The following FEM1A variants were observed in gnomAD, a reference collection of about 807,000 sequenced individuals.
FEM1A encodes protein fem-1 homolog A.
A neutral mutation model predicts 0.7 loss-of-function variants in FEM1A; 1 was observed. That is an observed-to-expected ratio of 1.35 (90% confidence interval 0.48 to 6.40). The LOEUF is 6.40. Ranked by LOEUF, FEM1A falls within the 30% of genes most tolerant of loss-of-function variation. The pLI, the probability that FEM1A is intolerant of heterozygous loss-of-function variation, is 0.14. For missense variants in FEM1A, 721 were observed against 918.7 expected (o/e 0.78, Z 2.78); for synonymous variants, 391 against 420.6 (o/e 0.93, Z 0.86).
rs1319331052 is a variant in FEM1A at position 4,791,812 on chromosome 19, C to G, written c.-43C>G. ...TCCGGGCTCTGATCCTCCGTCTCCC[C>G]GTCCCCCGGCGGCCGGCCCATGGCC... On this transcript the variant is annotated 5_prime_UTR_variant, in exon 1 of 1. Transcript: ENST00000269856. 13 of 1,445,460 alleles carry G rather than the reference C, an allele frequency of 9.0e-6. No individual in the cohort carries two copies. Among genetic ancestry groups the G allele is most frequent in the Non-Finnish European group, 1.2e-5 (13 of 1,098,150 alleles). 89.5% of individuals were successfully genotyped at this position (1,445,460 alleles called of 1,614,324 possible).
In FEM1A at chr19:4,792,072, C is replaced by G. The variant is rs1343453777; in HGVS notation, c.218C>G (p.Ser73Trp). 1 of 1,533,112 alleles carries G rather than the reference C, an allele frequency of 6.5e-7. No homozygotes were observed. The highest frequency in any genetic ancestry group is 8.7e-7 in the Non-Finnish European group (1 of 1,147,520). The allele number at this position is 1,533,112 out of a possible 1,614,324, so 95.0% of individuals were successfully genotyped here. ...RCGASVEAGG[S>W]VHFDGETIEG... ...GGCGCGAGCGTGGAGGCCGGTGGCTCGGTGCACTTCGATGGCGAGACCATC... is the reference window on the plus strand; with the variant it reads ...GGCGCGAGCGTGGAGGCCGGTGGCTGGGTGCACTTCGATGGCGAGACCATC... Residue 73 changes from serine to tryptophan, a missense_variant, in exon 1 of 1, where the codon TCG (serine) becomes TGG (tryptophan). Coordinates refer to ENST00000269856, the MANE Select transcript of FEM1A (RefSeq NM_018708.3). The surrounding 1 kb of genome is among the most constrained non-coding windows in gnomAD (Gnocchi z 6.7).
Position 4,793,696 on chromosome 19 carries a change from G to A in FEM1A, c.1842G>A (p.Lys614=). The A allele has an allele frequency of 6.2e-7, 1 of 1,613,026 alleles. No homozygotes were observed. The highest frequency in any genetic ancestry group is 8.5e-7 in the Non-Finnish European group (1 of 1,179,824). Residue 614 remains lysine, a synonymous_variant, in exon 1 of 1, where the codon AAG becomes AAA. Coordinates refer to ENST00000269856, the MANE Select transcript of FEM1A (RefSeq NM_018708.3). This position sits in a 1 kb window ranked among gnomAD's most constrained non-coding sequence, Gnocchi z 5.1. ...GAHMDATNAF[K]KTAYELLDEK... Reference sequence around the variant, plus strand: ...ACATGGACGCCACCAATGCCTTCAAGAAGACGGCCTACGAGCTGCTGGACG... The same window carrying A: ...ACATGGACGCCACCAATGCCTTCAAAAAGACGGCCTACGAGCTGCTGGACG...
chr19:4,798,407 G>A lies in FEM1A; in HGVS notation c.*4543G>A, dbSNP rs1352990337. The A allele has an allele frequency of 6.6e-6, 1 of 150,894 alleles. No homozygotes were observed. Among genetic ancestry groups the A allele is most frequent in the Non-Finnish European group, 1.5e-5 (1 of 67,854 alleles). The allele number at this position is 150,894 out of a possible 1,614,324, so 9.3% of individuals were successfully genotyped here. A position where few individuals can be genotyped will look rare whatever the true frequency, so the allele number is the denominator to read the frequency against. On this transcript the variant is annotated 3_prime_UTR_variant, in exon 1 of 1. Transcript: ENST00000269856. The stretch of plus-strand genomic sequence containing the variant: ...GCGGATCACGAGGTCAGGAGACCAA[G>A]ACCATCCTGGCTAACACGGTGAAAC...
At position 4,792,478 on chromosome 19, in the gene FEM1A, C is replaced by T. The variant is rs1166061262; in HGVS notation, c.624C>T (p.Arg208=). The change falls in exon 1 of 1, where the codon CGC becomes CGT. Residue 208 remains arginine (R), a synonymous_variant. Transcript: ENST00000269856. This position sits in a 1 kb window ranked among gnomAD's most constrained non-coding sequence, Gnocchi z 6.7. The stretch of plus-strand genomic sequence containing the variant: ...AGCTGCTGCTGGGGTGCAAGGCCCG[C>T]ATGGAACGTGACGGCTACGGCATGA... The part of the protein sequence containing the change: ...ILQLLLGCKA[R]MERDGYGMTP... 3.8e-6 allele frequency: 6 copies of T among 1,597,442 alleles called. No individual in the cohort carries two copies. The highest frequency in any genetic ancestry group is 5.1e-6 in the Non-Finnish European group (6 of 1,179,660).
At position 4,793,334 on chromosome 19, in the gene FEM1A, G is replaced by T; in HGVS notation, c.1480G>T (p.Ala494Ser). 1 of 1,612,594 alleles carries T rather than the reference G, an allele frequency of 6.2e-7. No homozygotes were observed. Among genetic ancestry groups the T allele is most frequent in the Non-Finnish European group, 8.5e-7 (1 of 1,179,856 alleles). The change falls in exon 1 of 1, where the codon GCG becomes TCG. Residue 494 changes from alanine (A) to serine (S), a missense_variant. Ala to Ser is a moderately conservative substitution (Grantham distance 99, BLOSUM62 1). Coordinates refer to ENST00000269856, the MANE Select transcript of FEM1A (RefSeq NM_018708.3). The surrounding 1 kb of genome is among the most constrained non-coding windows in gnomAD (Gnocchi z 5.1). ...EPGDSAQFTK[A>S]LAIILHLLYL... ...CGGAGACTCAGCCCAGTTCACCAAG[G>T]CGCTGGCCATCATCCTCCACCTGCT...
chr19:4,796,772 G>GGTGCATTGGGTTGGAGGGCT lies in FEM1A; in HGVS notation c.*2908_*2909insGTGCATTGGGTTGGAGGGCT. 6.6e-6 allele frequency: 1 copy of GGTGCATTGGGTTGGAGGGCT among 152,492 alleles called. No homozygotes were observed. The highest frequency in any genetic ancestry group is 1.5e-5 in the Non-Finnish European group (1 of 68,244). The allele number at this position is 152,492 out of a possible 1,614,324, so 9.4% of individuals were successfully genotyped here. A position where few individuals can be genotyped will look rare whatever the true frequency, so the allele number is the denominator to read the frequency against. On this transcript the variant is annotated 3_prime_UTR_variant, in exon 1 of 1. Coordinates refer to ENST00000269856, the MANE Select transcript of FEM1A (RefSeq NM_018708.3). ...GAGGCCCTGCTGTGGGGCACCGCATGCTGCTTCCATGGTGCATTGGGTTGG... is the reference window on the plus strand; with the variant it reads ...GAGGCCCTGCTGTGGGGCACCGCATGGTGCATTGGGTTGGAGGGCTCTGCTTCCATGGTGCATTGGGTTGG...
chr19:4,797,111 G>A lies in FEM1A; in HGVS notation c.*3247G>A, dbSNP rs1340914876. The A allele has an allele frequency of 7.1e-6, 1 of 141,070 alleles. No homozygotes were observed. The highest frequency in any genetic ancestry group is 2.3e-4 in the East Asian group (1 of 4,296). 8.7% of individuals were successfully genotyped at this position (141,070 alleles called of 1,614,324 possible). ...ACATATCAGAGTCCCATGGATGGAAGAAAAATAATGAAGTAGGAAAAACGG... is the reference window on the plus strand; with the variant it reads ...ACATATCAGAGTCCCATGGATGGAAAAAAAATAATGAAGTAGGAAAAACGG... On this transcript the variant is annotated 3_prime_UTR_variant, in exon 1 of 1. Coordinates refer to ENST00000269856, the MANE Select transcript of FEM1A (RefSeq NM_018708.3).
Position 4,798,076 on chromosome 19 carries a change from T to TACAAA in FEM1A, c.*4214_*4218dup, listed in dbSNP as rs1568361178. 1 of 54,702 alleles carries TACAAA rather than the reference T, an allele frequency of 1.8e-5. No homozygotes were observed. The highest frequency in any genetic ancestry group is 8.0e-5 in the African/African-American group (1 of 12,506). The allele number at this position is 54,702 out of a possible 1,614,324, so 3.4% of individuals were successfully genotyped here. A position where few individuals can be genotyped will look rare whatever the true frequency, so the allele number is the denominator to read the frequency against. On this transcript the variant is annotated 3_prime_UTR_variant, in exon 1 of 1. Transcript: ENST00000269856. The stretch of plus-strand genomic sequence containing the variant: ...GGTGAAACCCCGTCTCTACTAAAAA[T>TACAAA]ACAAAAATTAGCCGGGTGTGGTGGC...
chr19:4,793,926 C>T lies in FEM1A; in HGVS notation c.*62C>T, dbSNP rs537267863. On this transcript the variant is annotated 3_prime_UTR_variant, in exon 1 of 1. Transcript: ENST00000269856. This position sits in a 1 kb window ranked among gnomAD's most constrained non-coding sequence, Gnocchi z 5.1. ...TCCTGCTGAGATGGGGGAAATCCGGCTGCGGCATAGCAGATGCTCGTTCTT... is the reference window on the plus strand; with the variant it reads ...TCCTGCTGAGATGGGGGAAATCCGGTTGCGGCATAGCAGATGCTCGTTCTT... The T allele has an allele frequency of 1.2e-4, 173 of 1,503,314 alleles. 2 individuals carry two copies. The East Asian group carries it at 2.8e-3, about 25-fold the overall frequency. 93.1% of individuals were successfully genotyped at this position (1,503,314 alleles called of 1,614,324 possible).
Position 4,793,571 on chromosome 19 carries a change from G to T in FEM1A, c.1717G>T (p.Asp573Tyr). Residue 573 changes from aspartate to tyrosine, a missense_variant, in exon 1 of 1, where the codon GAC becomes TAC. Physicochemically the swap from Asp to Tyr is radical, Grantham distance 160. Around this residue, in one of 4 missense-constraint regions of FEM1A, gnomAD observed 379 missense variants for 454.8 expected, o/e 0.83. Coordinates refer to ENST00000269856, the MANE Select transcript of FEM1A (RefSeq NM_018708.3). The surrounding 1 kb of genome is among the most constrained non-coding windows in gnomAD (Gnocchi z 5.1). The part of the protein sequence containing the change: ...VVKVLLDCGA[D>Y]PDSRDFDNNT... ...CAAAGTGCTGCTCGACTGCGGGGCCGACCCGGACAGCAGGGATTTTGACAA... is the reference window on the plus strand; with the variant it reads ...CAAAGTGCTGCTCGACTGCGGGGCCTACCCGGACAGCAGGGATTTTGACAA... 1 of 1,612,902 alleles carries T rather than the reference G, an allele frequency of 6.2e-7. No homozygotes were observed. The highest frequency in any genetic ancestry group is 8.5e-7 in the Non-Finnish European group (1 of 1,179,846).
Position 4,793,051 on chromosome 19 carries a change from G to A in FEM1A, c.1197G>A (p.Val399=), listed in dbSNP as rs1313141189. ...ATTACATCCGTTACAGGGGTGCCGT[G>A]TACGCCGACTCGGGCAATTTCGAGC... is the stretch of plus-strand genomic sequence containing the variant. The part of the protein sequence containing the change: ...TSYYIRYRGA[V]YADSGNFERC... Residue 399 remains valine (V), a synonymous_variant, in exon 1 of 1, where the codon GTG becomes GTA. Coordinates refer to ENST00000269856, the MANE Select transcript of FEM1A (RefSeq NM_018708.3). This position sits in a 1 kb window ranked among gnomAD's most constrained non-coding sequence, Gnocchi z 5.1. The A allele has an allele frequency of 6.2e-7, 1 of 1,613,442 alleles. No homozygotes were observed. Among genetic ancestry groups the A allele is most frequent in the Non-Finnish European group, 8.5e-7 (1 of 1,180,030 alleles).
In FEM1A at chr19:4,793,788, G is replaced by A; in HGVS notation, c.1934G>A (p.Arg645Gln). ...GTGACCCTGCAGTGCCTTGCGGCCC[G>A]GGCCCTGGATAAGAACAAGATCCCT... ...NYVTLQCLAA[R>Q]ALDKNKIPYK... Residue 645 changes from arginine (R) to glutamine (Q), a missense_variant, in exon 1 of 1, where the codon CGG becomes CAG. Arg to Gln is a conservative substitution (Grantham distance 43, BLOSUM62 1). This residue lies in a region of FEM1A where 379 missense variants were observed against 454.8 expected (regional missense o/e 0.83). Transcript: ENST00000269856. The surrounding 1 kb of genome is among the most constrained non-coding windows in gnomAD (Gnocchi z 5.1). 2 of 1,610,928 alleles carry A rather than the reference G, an allele frequency of 1.2e-6. No individual in the cohort carries two copies. Among genetic ancestry groups the A allele is most frequent in the Non-Finnish European group, 1.7e-6 (2 of 1,179,464 alleles).
chr19:4,792,325 G>C lies in FEM1A; in HGVS notation c.471G>C (p.Ser157=). 1.3e-6 allele frequency: 2 copies of C among 1,592,922 alleles called. No individual in the cohort carries two copies. The highest frequency in any genetic ancestry group is 8.5e-7 in the Non-Finnish European group (1 of 1,178,036). Residue 157 remains serine, a synonymous_variant, in exon 1 of 1, where the codon TCG becomes TCC. Coordinates refer to ENST00000269856, the MANE Select transcript of FEM1A (RefSeq NM_018708.3). The surrounding 1 kb of genome is among the most constrained non-coding windows in gnomAD (Gnocchi z 6.7). Reference sequence around the variant, plus strand: ...ACGGCCACACGTGCCTCATGATCTCGTGCTACAAGGGCCACCGTGAGATCG... The same window carrying C: ...ACGGCCACACGTGCCTCATGATCTCCTGCTACAAGGGCCACCGTGAGATCG... The part of the protein sequence containing the change: ...NRHGHTCLMI[S]CYKGHREIAR...
At position 4,797,225 on chromosome 19, in the gene FEM1A, G is replaced by A. The variant is rs2093562133; in HGVS notation, c.*3361G>A. ...CGCTCAGGCTGGAGTGCAGTGGTGT[G>A]ATCTCGGCTCACTGCAAGCTCAGCC... On this transcript the variant is annotated 3_prime_UTR_variant, in exon 1 of 1. Coordinates refer to ENST00000269856, the MANE Select transcript of FEM1A (RefSeq NM_018708.3). 1 of 127,710 alleles carries A rather than the reference G, an allele frequency of 7.8e-6. No individual in the cohort carries two copies. The highest frequency in any genetic ancestry group is 1.6e-5 in the Non-Finnish European group (1 of 64,058). 7.9% of individuals were successfully genotyped at this position (127,710 alleles called of 1,614,324 possible). A position where few individuals can be genotyped will look rare whatever the true frequency, so the allele number is the denominator to read the frequency against.
rs11437 is a variant in FEM1A at position 4,795,333 on chromosome 19, G to A, written c.*1469G>A. ...CTTAGGAGGAGCAGTGACCGGGGGT[G>A]TCCAGAAATATCCTGTCCCTGGATG... is the stretch of plus-strand genomic sequence containing the variant. On this transcript the variant is annotated 3_prime_UTR_variant, in exon 1 of 1. Transcript: ENST00000269856. 1.2e-5 allele frequency: 2 copies of A among 165,786 alleles called. No individual in the cohort carries two copies. Among genetic ancestry groups the A allele is most frequent in the Admixed American group, 6.6e-5 (1 of 15,152 alleles). 10.3% of individuals were successfully genotyped at this position (165,786 alleles called of 1,614,324 possible). A position where few individuals can be genotyped will look rare whatever the true frequency, so the allele number is the denominator to read the frequency against.
rs2146154375 is a variant in FEM1A at position 4,798,869 on chromosome 19, C to G, written c.*5005C>G. The G allele has an allele frequency of 6.6e-6, 1 of 152,270 alleles. No individual in the cohort carries two copies. The highest frequency in any genetic ancestry group is 3.4e-3 in the Middle Eastern group (1 of 294). 9.4% of individuals were successfully genotyped at this position (152,270 alleles called of 1,614,324 possible). On this transcript the variant is annotated 3_prime_UTR_variant, in exon 1 of 1. Coordinates refer to ENST00000269856, the MANE Select transcript of FEM1A (RefSeq NM_018708.3). ...TCTGCCAGACTCAGCCCCCTAACCC[C>G]AAGAAAATCACTCACAAAAATCATC...
In FEM1A at chr19:4,794,875, A is replaced by G. The variant is rs1045416653; in HGVS notation, c.*1011A>G. ...TGCCACCCAGCAAAGAACTGGCACA[A>G]TTGGTTTGGGTCTGCATTGCCATAG... On this transcript the variant is annotated 3_prime_UTR_variant, in exon 1 of 1. Transcript: ENST00000269856. 1 of 166,980 alleles carries G rather than the reference A, an allele frequency of 6.0e-6. No homozygotes were observed. Among genetic ancestry groups the G allele is most frequent in the African/African-American group, 2.4e-5 (1 of 41,432 alleles). 10.3% of individuals were successfully genotyped at this position (166,980 alleles called of 1,614,324 possible).
chr19:4,793,735 C>A lies in FEM1A; in HGVS notation c.1881C>A (p.Ala627=), dbSNP rs371791538. The change falls in exon 1 of 1, where the codon GCC becomes GCA. Residue 627 remains alanine, a synonymous_variant. Coordinates refer to ENST00000269856, the MANE Select transcript of FEM1A (RefSeq NM_018708.3). The surrounding 1 kb of genome is among the most constrained non-coding windows in gnomAD (Gnocchi z 5.1). ...AGCTGCTGGACGAGAAGCTGCTGGC[C>A]AGGGGTACCATGCAGCCCTTCAACT... is the stretch of plus-strand genomic sequence containing the variant. ...AYELLDEKLL[A]RGTMQPFNYV... is the part of the protein sequence containing the mutation. The A allele has an allele frequency of 6.2e-7, 1 of 1,612,652 alleles. No homozygotes were observed. Among genetic ancestry groups the A allele is most frequent in the African/African-American group, 1.3e-5 (1 of 74,878 alleles).
rs890816020 is a variant in FEM1A at position 4,791,804 on chromosome 19, C to T, written c.-51C>T. 227 of 1,431,890 alleles carry T rather than the reference C, an allele frequency of 1.6e-4. No homozygotes were observed. Among genetic ancestry groups the T allele is most frequent in the Non-Finnish European group, 1.9e-4 (206 of 1,090,080 alleles). 88.7% of individuals were successfully genotyped at this position (1,431,890 alleles called of 1,614,324 possible). ...CCCGCCCGTCCGGGCTCTGATCCTC[C>T]GTCTCCCCGTCCCCCGGCGGCCGGC... On this transcript the variant is annotated 5_prime_UTR_variant, in exon 1 of 1. Transcript: ENST00000269856.
Sources: allele counts gnomAD v4.1 joint callset, GRCh38; gene constraint gnomAD v4.1.1; regional missense constraint gnomAD v4.1.1; non-coding constraint Gnocchi (gnomAD v3.1); transcripts MANE v1.5; gene names NCBI Gene and HGNC (gene_info 2026-07-23, HGNC 2026-07-21).